MYO3B: variants seen among roughly 807,000 people sequenced by gnomAD.
The protein encoded by MYO3B is myosin-IIIb.
Under a neutral mutation model 174.6 loss-of-function variants are expected in MYO3B, and 156 were observed. The ratio of observed to expected loss-of-function variants is 0.89; its 90% CI spans 0.78 to 1.02. The LOEUF (loss-of-function observed/expected upper bound fraction) is 1.02. Among genes scored for constraint, MYO3B ranks in the 50% least tolerant of loss-of-function variants. MYO3B has a pLI of 0.00. For synonymous variants in MYO3B, 563 were observed against 569.1 expected (o/e 0.99, Z 0.15); for missense variants, 1,632 against 1,639.4 (o/e 1.00, Z 0.08).
At chr2:170,291,713 G>GTTTTT (rs71006079) in intron 7 of MYO3B, among the ~76,000 whole-genome samples, 67,563 of 149,838 alleles carry the variant, frequency 0.45, 16,550 homozygotes, top group East Asian at 0.66. Flanking sequence ...TGGATGACAG[G>GTTTTT]TTTTTTTTAT....
intron 32 of MYO3B, among the ~76,000 whole-genome samples, chr2:170,649,126 A>ATATTATATATAAAATAATATATAATGTT (rs1698700229): frequency 1.9e-5 from 1 of 52,852 alleles, no homozygotes; most frequent in Non-Finnish European, 3.2e-5. Flanking sequence ...TATATAATGT[A>ATATTATATATAAAATAATATATAATGTT]TATAAAATAA....
intron 9 of MYO3B, among the ~76,000 whole-genome samples, chr2:170,372,145 A>AG (rs2094253582): frequency 2.4e-5 from 3 of 127,184 alleles, no homozygotes; most frequent in Non-Finnish European, 5.1e-5. Context: ...AAAAAAAAAA[A>AG]CAACAACAAC....
At chr2:170,231,364 T>A (rs903824060) in intron 6 of MYO3B, among the ~76,000 whole-genome samples, 3 of 152,218 alleles carry the variant, frequency 2.0e-5, no homozygotes, top group African/African-American at 7.2e-5. Flanking sequence ...TTCTCAATCT[T>A]CTCCAGAAAG....
intron 32 of MYO3B, among the ~76,000 whole-genome samples, chr2:170,648,871 T>C (rs1217447952): frequency 8.6e-5 from 9 of 104,726 alleles, no homozygotes; most frequent in African/African-American, 2.8e-4. Context: ...ATTCTATATG[T>C]TTATATTCTA....
intron 25 of MYO3B, among the ~76,000 whole-genome samples, chr2:170,471,710 G>T (rs1023946206): frequency 6.6e-6 from 1 of 152,058 alleles, no homozygotes; most frequent in African/African-American, 2.4e-5. Flanking sequence ...ACTTGACCAG[G>T]CCGGGGCGCA....
Position 170,653,184 on chromosome 2 carries a change from C to T in MYO3B, c.*63C>T. On this transcript the variant is annotated 3_prime_UTR_variant, in exon 35 of 35. Coordinates refer to ENST00000408978, the MANE Select transcript of MYO3B (RefSeq NM_138995.5). ...ACATTCATGGTAATCGACTGTCTGTCATTGCGTAAGAAAGCACTGATATGG... is the reference window on the plus strand; with the variant it reads ...ACATTCATGGTAATCGACTGTCTGTTATTGCGTAAGAAAGCACTGATATGG... The T allele has an allele frequency of 1.3e-6, 2 of 1,598,312 alleles. No homozygotes were observed. Among genetic ancestry groups the T allele is most frequent in the Non-Finnish European group, 1.7e-6 (2 of 1,167,378 alleles).
chr2:170,649,113 T>TATATAATGTATATTATATATAAAAC (rs1698691424), intron 32 of MYO3B, among the ~76,000 whole-genome samples: 2 of 64,528 alleles, frequency 3.1e-5, no homozygotes, highest in Admixed American at 3.0e-4. Flanking sequence ...ATATATAAAA[T>TATATAATGTATATTATATATAAAAC]AATATATAAT....
intron 7 of MYO3B, among the ~76,000 whole-genome samples, chr2:170,256,666 C>T (rs923670442): frequency 2.0e-5 from 3 of 152,134 alleles, no homozygotes; most frequent in South Asian, 2.1e-4. Context: ...AAAGCAACTA[C>T]ACAATTGAGA....
chr2:170,378,378 A>G (rs1288142946), intron 9 of MYO3B, among the ~76,000 whole-genome samples: 1 of 152,208 alleles, frequency 6.6e-6, no homozygotes, highest in Non-Finnish European at 1.5e-5. Context: ...AGAGTAGAGA[A>G]GTCTTGCATC....
intron 1 of MYO3B, among the ~76,000 whole-genome samples, chr2:170,183,974 G>A (rs2092434156): frequency 6.6e-6 from 1 of 151,942 alleles, no homozygotes; most frequent in South Asian, 2.1e-4. Context: ...GAAAATCATA[G>A]TAATATATTC....
At chr2:170,408,214 C>CTTGTGTGTGTGTCATT (rs2094523592) in intron 22 of MYO3B, among the ~76,000 whole-genome samples, 2 of 152,156 alleles carry the variant, frequency 1.3e-5, no homozygotes, top group Non-Finnish European at 2.9e-5. Context: ...AAGATTATTT[C>CTTGTGTGTGTGTCATT]TACTTGTGTG....
At position 170,514,973 on chromosome 2, in the gene MYO3B, G is replaced by T; in HGVS notation, c.3423G>T (p.Thr1141=). The T allele has an allele frequency of 6.2e-7, 1 of 1,614,076 alleles. No individual in the cohort carries two copies. The highest frequency in any genetic ancestry group is 8.5e-7 in the Non-Finnish European group (1 of 1,179,966). Reference sequence around the variant, plus strand: ...CACATTCCCCCGTCGCAGCAGGTACGAGGGGAAGTGCCGAGGTTCAAGACT... The same window carrying T: ...CACATTCCCCCGTCGCAGCAGGTACTAGGGGAAGTGCCGAGGTTCAAGACT... ...SGPHSPVAAG[T]RGSAEVQDCS... Residue 1141 remains threonine (T), a synonymous_variant, in exon 29 of 35, where the codon ACG becomes ACT. Transcript: ENST00000408978.
At position 170,450,843 on chromosome 2, in the gene MYO3B, T is replaced by C. The variant is rs548846752; in HGVS notation, c.2730+6797T>C. 2.0e-5 allele frequency among the ~76,000 whole-genome samples: 3 copies of C among 152,318 alleles called. No individual in the cohort carries two copies. The South Asian group carries it at 6.2e-4, about 32-fold the overall frequency. ...AAGAAAACCCTGCTATTCAGACACATGGGCCCAGATTCTGGCTCCACATCA... is the reference window on the plus strand; with the variant it reads ...AAGAAAACCCTGCTATTCAGACACACGGGCCCAGATTCTGGCTCCACATCA... On this transcript the variant is annotated intron_variant, in intron 23 of 34. Transcript: ENST00000408978.
intron 2 of MYO3B, 111 bp from the exon 3 acceptor site, chr2:170,200,039 T>C (rs1438605505): frequency 6.0e-6 from 6 of 998,238 alleles, no homozygotes; most frequent in Non-Finnish European, 7.2e-6. Flanking sequence ...GGTAATGAGA[T>C]TGAAAATACA....
At chr2:170,423,636 A>C (rs2094636624) in intron 22 of MYO3B, among the ~76,000 whole-genome samples, 1 of 135,350 alleles carries the variant, frequency 7.4e-6, no homozygotes, top group Non-Finnish European at 1.5e-5. Context: ...GCCAGAGTGC[A>C]GTGGTGCGAT....
chr2:170,504,918 T>C (rs1026561017), intron 28 of MYO3B, among the ~76,000 whole-genome samples: 2 of 152,100 alleles, frequency 1.3e-5, no homozygotes, highest in African/African-American at 4.8e-5. Context: ...GGGCTCCAGA[T>C]TGGAAACCTC....
In MYO3B at chr2:170,466,503, T is replaced by C. The variant is rs773101529; in HGVS notation, c.2809-3T>C. The C allele has an allele frequency of 1.2e-6, 2 of 1,613,980 alleles. No homozygotes were observed. Among genetic ancestry groups the C allele is most frequent in the Non-Finnish European group, 8.5e-7 (1 of 1,179,942 alleles). On this transcript the variant is annotated splice_polypyrimidine_tract_variant and splice_region_variant and intron_variant, in intron 24 of 34. Coordinates refer to ENST00000408978, the MANE Select transcript of MYO3B (RefSeq NM_138995.5). ...GTTCCTTGTGCATTTTTCTCCCTGG[T>C]AGTATTCTCTGATGGACCTGCTCTC...
At chr2:170,649,161 AAT>A (rs1491396668) in intron 32 of MYO3B, among the ~76,000 whole-genome samples, 3 of 60,360 alleles carry the variant, frequency 5.0e-5, no homozygotes, top group East Asian at 5.1e-4. Flanking sequence ...TATATAAAAT[AAT>A]ATATAATATA....
chr2:170,640,864 A>G (rs6730123), intron 32 of MYO3B: 23,344 of 151,956 alleles, frequency 0.15, 3,355 homozygotes, highest in African/African-American at 0.38. Context: ...AGTGGCGAAT[A>G]AAGTTCCAGT....
Sources: allele counts gnomAD v4.1 joint callset (sites outside exome capture counted in the v4.1 genomes callset), GRCh38; gene constraint gnomAD v4.1.1; transcripts MANE v1.5; gene names NCBI Gene and HGNC (gene_info 2026-07-23, HGNC 2026-07-21).